The following MICAL2 variants were observed in gnomAD, a reference collection of about 807,000 sequenced individuals.
MICAL2 encodes [F-actin]-monooxygenase MICAL2.
MICAL2 carries 77 observed loss-of-function variants against 127.3 expected under a neutral mutation model. The ratio of observed to expected loss-of-function variants is 0.60; its 90% confidence interval spans 0.50 to 0.73. The LOEUF is 0.73. Ranked by LOEUF, MICAL2 falls within the 30% of genes least tolerant of loss-of-function variation. The probability of loss-of-function intolerance (pLI) is 0.00; values close to 1 mark genes in which losing one functional copy is unlikely to be tolerated. For missense variants in MICAL2, 1,351 were observed against 1,434.4 expected (o/e 0.94, Z 0.94); for synonymous variants, 570 against 551.1 (o/e 1.03, Z -0.48).
chr11:12,280,840 G>A (rs546810342), intron 1 of MICAL2: 20 of 397,760 alleles, frequency 5.0e-5, no homozygotes, highest in African/African-American at 1.9e-4. Flanking sequence ...CCCCAGGTGC[G>A]CTGGAGCAGT....
chr11:12,210,269 C>G (rs1424360929), intron 6 of MICAL2, among the ~76,000 whole-genome samples: 1 of 152,182 alleles, frequency 6.6e-6, no homozygotes, highest in Non-Finnish European at 1.5e-5. Context: ...TCCACCTCAA[C>G]ACCAAGACTG....
chr11:12,201,127 C>T (rs1326073709), intron 3 of MICAL2, among the ~76,000 whole-genome samples: 12 of 151,930 alleles, frequency 7.9e-5, no homozygotes, highest in African/African-American at 1.9e-4. Context: ...GCTTGGGAAG[C>T]GGGGCTTGGT....
At chr11:12,148,706 A>G (rs988877863) in intron 2 of MICAL2, among the ~76,000 whole-genome samples, 1 of 152,236 alleles carries the variant, frequency 6.6e-6, no homozygotes, top group South Asian at 2.1e-4. Flanking sequence ...TGCAGCCTTC[A>G]GCTTCAGAAC....
intron 32 of MICAL2, among the ~76,000 whole-genome samples, chr11:12,341,471 A>C (rs371753384): frequency 8.1e-4 from 122 of 151,500 alleles, no homozygotes; most frequent in Non-Finnish European, 1.5e-3. Flanking sequence ...AACAAACAAA[A>C]AAAAAGACAT....
intron 2 of MICAL2, among the ~76,000 whole-genome samples, chr11:12,146,942 C>A (rs1590068369): frequency 2.0e-5 from 3 of 152,194 alleles, no homozygotes; most frequent in Admixed American, 2.0e-4. Flanking sequence ...CCATCATTCT[C>A]AGCAAACTAT....
At chr11:12,201,199 GA>G (rs1860680913) in intron 3 of MICAL2, among the ~76,000 whole-genome samples, 1 of 152,056 alleles carries the variant, frequency 6.6e-6, no homozygotes, top group Admixed American at 6.5e-5. Context: ...CTCACTCCCT[GA>G]AGTCTCCAGC....
chr11:12,336,600 G>A (rs377115985), intron 32 of MICAL2, among the ~76,000 whole-genome samples: 3 of 151,938 alleles, frequency 2.0e-5, no homozygotes. Flanking sequence ...TGTCATAGAT[G>A]GCTCTTATTA....
At chr11:12,349,716 G>A in intron 32 of MICAL2, 2 of 834,516 alleles carry the variant, frequency 2.4e-6, no homozygotes, top group Non-Finnish European at 3.9e-6. Context: ...CAGGGTGTCA[G>A]GGAGCTGCTG....
At chr11:12,325,606 C>T (rs186896114) in intron 31 of MICAL2, among the ~76,000 whole-genome samples, 201 of 152,356 alleles carry the variant, frequency 1.3e-3, no homozygotes, top group African/African-American at 4.6e-3. Context: ...CTGCCTTCTT[C>T]ATGTGTCCTC....
intron 3 of MICAL2, 130 bp from the exon 4 acceptor site, chr11:12,204,120 G>T: frequency 1.2e-6 from 1 of 822,026 alleles, no homozygotes; most frequent in Non-Finnish European, 2.0e-6. Flanking sequence ...GCCCTAACAG[G>T]TACACAGCTT....
Position 12,269,822 on chromosome 11 carries a change from G to A in MICAL2, c.3335-6164G>A, listed in dbSNP as rs1440739974. Among the ~76,000 whole-genome samples the A allele has an allele frequency of 3.9e-5, 6 of 152,224 alleles. No individual in the cohort carries two copies. In the East Asian group the frequency reaches 1.2e-3, roughly 29 times the overall value. ...CTTGTGGGCAGTGGAGGGTGTGTCC[G>A]TGTGTATCTGCACACCTACACACAC... On this transcript the variant is annotated intron_variant, in intron 24 of 34. Transcript: ENST00000646065.
intron 32 of MICAL2, among the ~76,000 whole-genome samples, chr11:12,329,879 A>AG (rs1242382189): frequency 1.2e-3 from 171 of 148,618 alleles, no homozygotes; most frequent in Admixed American, 9.2e-3. Flanking sequence ...AAAAAAAAAA[A>AG]AAAAGAAAAG....
At chr11:12,168,280 CAT>C (rs955256409) in intron 3 of MICAL2, among the ~76,000 whole-genome samples, 2 of 150,928 alleles carry the variant, frequency 1.3e-5, no homozygotes, top group African/African-American at 2.4e-5. Flanking sequence ...ACACCACACA[CAT>C]ACACACACGC....
At chr11:12,260,461 T>A in intron 26 of MICAL2, 1 of 1,146,340 alleles carries the variant, frequency 8.7e-7, no homozygotes, top group South Asian at 4.0e-5. Context: ...AGAAAGCATT[T>A]TTTTCTATGA....
chr11:12,122,607 C>G (rs760196089), intron 1 of MICAL2, among the ~76,000 whole-genome samples: 11 of 152,098 alleles, frequency 7.2e-5, no homozygotes, highest in African/African-American at 9.7e-5. Context: ...CAAGGTTTCT[C>G]CATGTTGGCC....
intron 3 of MICAL2, among the ~76,000 whole-genome samples, chr11:12,176,948 T>G (rs946495339): frequency 1.3e-5 from 2 of 152,262 alleles, no homozygotes; most frequent in Non-Finnish European, 2.9e-5. Context: ...CGTATCTATT[T>G]CTTCATGATC....
intron 29 of MICAL2, chr11:12,308,062 T>C (rs1298083219): frequency 1.4e-5 from 2 of 144,562 alleles, no homozygotes; most frequent in African/African-American, 2.6e-5. Flanking sequence ...AAAAAACAAT[T>C]TTTTTTTAAT....
intron 1 of MICAL2, among the ~76,000 whole-genome samples, chr11:12,279,026 A>G (rs1047552966): frequency 6.6e-6 from 1 of 152,154 alleles, no homozygotes; most frequent in Non-Finnish European, 1.5e-5. Context: ...CACAGTAAGA[A>G]TATCTTCCTG....
intron 29 of MICAL2, among the ~76,000 whole-genome samples, chr11:12,307,654 T>TTTG (rs370369021): frequency 1.3e-5 from 2 of 152,082 alleles, no homozygotes; most frequent in Non-Finnish European, 2.9e-5. Flanking sequence ...AGTCATGGGT[T>TTTG]TTGTTGTTGT....
Sources: allele counts gnomAD v4.1 joint callset (sites outside exome capture counted in the v4.1 genomes callset), GRCh38; gene constraint gnomAD v4.1.1; transcripts MANE v1.5; gene names NCBI Gene and HGNC (gene_info 2026-07-23, HGNC 2026-07-21).